Variants in RPP40 observed in about 807,000 individuals in gnomAD.
RPP40 encodes the protein ribonuclease P/MRP subunit p40, also known as ribonuclease P protein subunit p40.
Under a neutral mutation model 42.5 loss-of-function variants are expected in RPP40, and 30 were observed. The observed-to-expected ratio is 0.71, with a 90% CI of 0.53 to 0.96. RPP40 has a LOEUF of 0.96. RPP40 is among the 40% of genes least tolerant of loss of function. The probability of loss-of-function intolerance (pLI) is 0.00; values close to 1 mark genes in which losing one functional copy is unlikely to be tolerated. For missense variants in RPP40, 426 were observed against 433.5 expected (o/e 0.98, Z 0.15); for synonymous variants, 173 against 164.0 (o/e 1.05, Z -0.42).
chr6:4,988,455 C>T, the RPP40 span, among the ~76,000 whole-genome samples: 1 of 152,156 alleles, frequency 6.6e-6, no homozygotes, highest in Non-Finnish European at 1.5e-5. Flanking sequence ...CTTTTTATTG[C>T]CCTGTTACAG....
downstream of RPP40, among the ~76,000 whole-genome samples, chr6:4,993,394 T>C (rs529030675): frequency 6.6e-6 from 1 of 152,366 alleles, no homozygotes; most frequent in African/African-American, 2.4e-5. Context: ...GTTGTTCTTA[T>C]ACTCATGCCA....
At chr6:4,991,274 T>G (rs1221943171), downstream of RPP40, among the ~76,000 whole-genome samples, 1 of 152,212 alleles carries the variant, frequency 6.6e-6, no homozygotes, top group Non-Finnish European at 1.5e-5. Context: ...GTGACAAATG[T>G]TTTGAATTTG....
At chr6:4,992,228 G>C (rs983742183), downstream of RPP40, among the ~76,000 whole-genome samples, 1 of 152,166 alleles carries the variant, frequency 6.6e-6, no homozygotes, top group East Asian at 1.9e-4. Context: ...AACTAGCCAG[G>C]CATGGTGGCG....
chr6:4,995,592 G>C (rs113383172), intron 7 of RPP40, among the ~76,000 whole-genome samples: 5 of 152,154 alleles, frequency 3.3e-5, no homozygotes, highest in African/African-American at 1.2e-4. Flanking sequence ...CCTATTAAGA[G>C]TACTGTTCTC....
At chr6:4,998,291 G>A (rs1759442928) in intron 5 of RPP40, among the ~76,000 whole-genome samples, 1 of 152,210 alleles carries the variant, frequency 6.6e-6, no homozygotes. Context: ...TCAATTAAAA[G>A]TTAGAATAAA....
chr6:4,999,994 A>G lies in RPP40; in HGVS notation c.338-90T>C, dbSNP rs181861874. Reference sequence around the variant, plus strand: ...AAAGCAAGGCAAATTGAGCAGTTAGATATCAATGTAACAAACTGCATACAA... The same window carrying G: ...AAAGCAAGGCAAATTGAGCAGTTAGGTATCAATGTAACAAACTGCATACAA... On this transcript the variant is annotated intron_variant, in intron 3 of 7. Coordinates refer to ENST00000380051, the MANE Select transcript of RPP40 (RefSeq NM_006638.4). 48 of 733,744 alleles carry G rather than the reference A, an allele frequency of 6.5e-5. No individual in the cohort carries two copies. In the African/African-American group the frequency reaches 7.9e-4, roughly 12 times the overall value. 45.5% of individuals were successfully genotyped at this position (733,744 alleles called of 1,614,324 possible).
chr6:4,996,256 C>T lies in RPP40; in HGVS notation c.724G>A (p.Asp242Asn), dbSNP rs1367162388. The change falls in exon 6 of 8, where the codon GAC becomes AAC. Residue 242 changes from aspartate to asparagine, a missense_variant. Physicochemically the swap from Asp to Asn is conservative, Grantham distance 23 (BLOSUM62 1). Coordinates refer to ENST00000380051, the MANE Select transcript of RPP40 (RefSeq NM_006638.4). ...TTACTGAAGACGGCGCCGAGCCAGT[C>T]GAAGAGCTCCAGAGCCCGGCAGGAC... is the stretch of plus-strand genomic sequence containing the variant. ...EVSCRALELF[D>N]WLGAVFSNVD... The T allele has an allele frequency of 8.7e-6, 14 of 1,614,018 alleles. No homozygotes were observed. The highest frequency in any genetic ancestry group is 3.3e-4 in the Middle Eastern group (2 of 6,060).
chr6:4,999,717 T>G, intron 4 of RPP40, 92 bp downstream of exon 4: 1 of 755,528 alleles, frequency 1.3e-6, no homozygotes, highest in Non-Finnish European at 2.3e-6. Flanking sequence ...AGGCCACATT[T>G]TTTTGAACAA....
At chr6:5,003,345 T>TCAGAAAA (rs34031203) in intron 1 of RPP40, among the ~76,000 whole-genome samples, 1 of 76,556 alleles carries the variant, frequency 1.3e-5, no homozygotes, top group African/African-American at 5.7e-5. Context: ...AAACTCCGTC[T>TCAGAAAA]AAAAAAAAAA....
intron 2 of RPP40, chr6:5,001,001 A>G: frequency 4.3e-6 from 2 of 462,026 alleles, no homozygotes; most frequent in South Asian, 3.1e-5. Flanking sequence ...CTTGCAGAAG[A>G]CCAAGCTCCA....
At chr6:4,999,521 T>C (rs535542936) in intron 4 of RPP40, among the ~76,000 whole-genome samples, 1 of 152,170 alleles carries the variant, frequency 6.6e-6, no homozygotes, top group East Asian at 1.9e-4. Flanking sequence ...ATGGTCTCAA[T>C]CTCTTGACCT....
chr6:5,003,302 G>C (rs937199847), intron 1 of RPP40, among the ~76,000 whole-genome samples: 3 of 132,734 alleles, frequency 2.3e-5, no homozygotes, highest in African/African-American at 5.9e-5. Context: ...AGCCGAGATC[G>C]CGCCACTGCA....
At chr6:4,990,226 T>C (rs187027019), downstream of RPP40, among the ~76,000 whole-genome samples, 82 of 152,330 alleles carry the variant, frequency 5.4e-4, no homozygotes, top group Non-Finnish European at 1.0e-3. Context: ...ATTATATTGA[T>C]TGATTTTTCA....
At chr6:4,990,799 T>C (rs1218780081), downstream of RPP40, among the ~76,000 whole-genome samples, 2 of 152,104 alleles carry the variant, frequency 1.3e-5, no homozygotes, top group South Asian at 4.1e-4. Flanking sequence ...TCGTTACATG[T>C]TTTTAAACTG....
chr6:5,003,626 C>T lies in RPP40; in HGVS notation c.123+254G>A, dbSNP rs968650987. On this transcript the variant is annotated intron_variant, in intron 1 of 7. Coordinates refer to ENST00000380051, the MANE Select transcript of RPP40 (RefSeq NM_006638.4). ...TTGACACGAGTGAGCAGCCAGAACG[C>T]CCCTGACAACAGCTCCCTCCAGACT... 9 of 393,948 alleles carry T rather than the reference C, an allele frequency of 2.3e-5. No individual in the cohort carries two copies. In the South Asian group the frequency reaches 5.1e-4, roughly 22 times the overall value. 24.4% of individuals were successfully genotyped at this position (393,948 alleles called of 1,614,324 possible).
intron 5 of RPP40, among the ~76,000 whole-genome samples, chr6:4,997,197 A>T (rs1759410069): frequency 6.6e-6 from 1 of 152,172 alleles, no homozygotes. Context: ...GGTCATCTAG[A>T]TGGCTGGTAA....
chr6:5,000,379 G>C (rs542742320), intron 3 of RPP40, among the ~76,000 whole-genome samples, 184 bp downstream of exon 3: 1 of 151,822 alleles, frequency 6.6e-6, no homozygotes, highest in South Asian at 2.1e-4. Flanking sequence ...GTAGAGGCAG[G>C]GTTTCACCAT....
At chr6:4,997,854 T>A (rs1759428017) in intron 5 of RPP40, among the ~76,000 whole-genome samples, 2 of 152,200 alleles carry the variant, frequency 1.3e-5, no homozygotes, top group South Asian at 4.1e-4. Context: ...ACTTTCACAG[T>A]CCTGACAAAT....
chr6:4,998,830 C>A lies in RPP40; in HGVS notation c.445G>T (p.Asp149Tyr). 7.1e-7 allele frequency: 1 copy of A among 1,414,982 alleles called. No homozygotes were observed. The highest frequency in any genetic ancestry group is 9.7e-7 in the Non-Finnish European group (1 of 1,034,626). 87.7% of individuals were successfully genotyped at this position (1,414,982 alleles called of 1,614,324 possible). A position where few individuals can be genotyped will look rare whatever the true frequency, so the allele number is the denominator to read the frequency against. The change falls in exon 5 of 8, where the codon GAT becomes TAT. Residue 149 changes from aspartate (D) to tyrosine (Y), a missense_variant. Physicochemically the swap from Asp to Tyr is radical, Grantham distance 160. Transcript: ENST00000380051. Reference protein sequence around the residue: ...RKIMKFIVSIDLMELSLNLDS... With the variant: ...RKIMKFIVSIYLMELSLNLDS... The stretch of plus-strand genomic sequence containing the variant: ...AAGTTTAAGGATAATTCCATCAAAT[C>A]AATGGAAACAACTTTAAAAATGAAA...
Sources: gnomAD v4.1 joint callset for allele counts (sites outside exome capture counted in the v4.1 genomes callset) on GRCh38, gnomAD v4.1.1 for gene constraint, MANE v1.5 for transcripts, NCBI Gene and HGNC (gene_info 2026-07-23, HGNC 2026-07-21) for gene names.